The following ZCCHC17 variants were observed in gnomAD, a reference collection of about 807,000 sequenced individuals.
ZCCHC17 encodes zinc finger CCHC-type containing 17.
A neutral mutation model predicts 30.6 loss-of-function variants in ZCCHC17; 18 were observed. The ratio of observed to expected loss-of-function variants is 0.59; its 90% CI spans 0.41 to 0.87. The LOEUF is 0.87. ZCCHC17 is among the 40% of genes least tolerant of loss of function. ZCCHC17 has a pLI of 0.00. For missense variants in ZCCHC17, 263 were observed against 284.2 expected (o/e 0.93, Z 0.54); for synonymous variants, 88 against 92.4 (o/e 0.95, Z 0.27).
intron 3 of ZCCHC17, among the ~76,000 whole-genome samples, chr1:31,325,617 A>G (rs1303367454): frequency 6.6e-6 from 1 of 152,176 alleles, no homozygotes. Context: ...TCACTCATGC[A>G]TCCCTCGCCA....
chr1:31,314,121 T>C (rs962227630), intron 2 of ZCCHC17, among the ~76,000 whole-genome samples: 1 of 152,196 alleles, frequency 6.6e-6, no homozygotes, highest in Non-Finnish European at 1.5e-5. Context: ...CACCTCGGCC[T>C]CCCAAAGTGC....
At chr1:31,336,042 C>A (rs939771365) in intron 3 of ZCCHC17, among the ~76,000 whole-genome samples, 3 of 151,906 alleles carry the variant, frequency 2.0e-5, no homozygotes, top group Non-Finnish European at 4.4e-5. Context: ...AATAATACCG[C>A]AAGTTATTTA....
chr1:31,341,842 C>A (rs1264075896), intron 5 of ZCCHC17, among the ~76,000 whole-genome samples: 1 of 152,182 alleles, frequency 6.6e-6, no homozygotes, highest in African/African-American at 2.4e-5. Context: ...CTATGGTAGA[C>A]ATACATGTAG....
At chr1:31,351,957 C>A (rs1443601211) in intron 7 of ZCCHC17, among the ~76,000 whole-genome samples, 1 of 152,156 alleles carries the variant, frequency 6.6e-6, no homozygotes. Context: ...TTGACTTTTT[C>A]TCTGGAACTC....
chr1:31,317,030 T>TC (rs200763498), intron 2 of ZCCHC17, among the ~76,000 whole-genome samples: 7,478 of 149,676 alleles, frequency 0.05, 403 homozygotes, highest in South Asian at 0.21. Context: ...TTTTCTTTTT[T>TC]TTTTTTTTTT....
At chr1:31,350,270 G>T (rs1416197952) in intron 7 of ZCCHC17, among the ~76,000 whole-genome samples, 1 of 152,118 alleles carries the variant, frequency 6.6e-6, no homozygotes, top group Non-Finnish European at 1.5e-5. Flanking sequence ...TTTGTACCAG[G>T]CATTGTAACT....
chr1:31,344,778 A>G (rs1228780127), intron 5 of ZCCHC17, among the ~76,000 whole-genome samples: 1 of 152,202 alleles, frequency 6.6e-6, no homozygotes, highest in Admixed American at 6.5e-5. Context: ...ATCTCTACAA[A>G]TAGATAGGTG....
intron 6 of ZCCHC17, among the ~76,000 whole-genome samples, chr1:31,347,795 A>G (rs1639328832): frequency 6.6e-6 from 1 of 152,102 alleles, no homozygotes; most frequent in Non-Finnish European, 1.5e-5. Context: ...AATTTTTTGT[A>G]GAGACGGGGT....
chr1:31,318,095 T>A, intron 2 of ZCCHC17: 8 of 1,138,440 alleles, frequency 7.0e-6, no homozygotes, highest in Non-Finnish European at 9.8e-6. Flanking sequence ...ATTTTGCATA[T>A]AGTGAGTATT....
intron 3 of ZCCHC17, chr1:31,336,969 C>T (rs6676682): frequency 0.55 from 227,911 of 411,540 alleles, 66,772 homozygotes; most frequent in Non-Finnish European, 0.62. Context: ...CCACTGTGCC[C>T]GGCCACTTTG....
intron 1 of ZCCHC17, among the ~76,000 whole-genome samples, chr1:31,299,175 G>C (rs1312606643): frequency 6.6e-6 from 1 of 152,158 alleles, no homozygotes. Context: ...ATTGTAAAGA[G>C]GAGGAGAGGA....
chr1:31,330,818 G>T (rs969416165), intron 3 of ZCCHC17, among the ~76,000 whole-genome samples: 5 of 152,218 alleles, frequency 3.3e-5, no homozygotes, highest in Non-Finnish European at 5.9e-5. Flanking sequence ...AGCACAAAGG[G>T]AAGGGGCCTC....
chr1:31,363,969 G>A (rs1412889459), intron 7 of ZCCHC17, 63 bp from the exon 8 acceptor site: 17 of 1,579,506 alleles, frequency 1.1e-5, no homozygotes, highest in African/African-American at 1.4e-5. Context: ...GGCCAATTAT[G>A]TGCTATGATT....
chr1:31,306,328 C>T (rs1646454865), intron 1 of ZCCHC17, among the ~76,000 whole-genome samples: 1 of 152,100 alleles, frequency 6.6e-6, no homozygotes, highest in Admixed American at 6.6e-5. Flanking sequence ...ATTATTTGAA[C>T]ACAAGCAGAG....
chr1:31,312,451 G>T (rs1646628410), intron 2 of ZCCHC17, among the ~76,000 whole-genome samples: 1 of 152,022 alleles, frequency 6.6e-6, no homozygotes, highest in Non-Finnish European at 1.5e-5. Context: ...AGGCATATTT[G>T]TTTCAAGAGC....
In ZCCHC17 at chr1:31,327,933, C is replaced by A. The variant is rs186931447; in HGVS notation, c.124+8767C>A. Among the ~76,000 whole-genome samples the A allele has an allele frequency of 2.6e-5, 4 of 152,306 alleles. No individual in the cohort carries two copies. In the East Asian group the frequency reaches 7.7e-4, roughly 29 times the overall value. On this transcript the variant is annotated intron_variant, in intron 3 of 7. Transcript: ENST00000344147. ...GGATGATTAATATCCCAAACCTCAG[C>A]ATCATGCAGTGTACACAGATAACAA...
At chr1:31,300,967 T>G (rs1646297400) in intron 1 of ZCCHC17, among the ~76,000 whole-genome samples, 2 of 151,738 alleles carry the variant, frequency 1.3e-5, no homozygotes, top group African/African-American at 4.8e-5. Flanking sequence ...GGTGGTTTAG[T>G]GGCAAGTGTG....
intron 3 of ZCCHC17, among the ~76,000 whole-genome samples, chr1:31,322,225 C>T (rs1042524120): frequency 2.0e-5 from 3 of 152,184 alleles, no homozygotes; most frequent in Non-Finnish European, 4.4e-5. Context: ...TCAATTCTGA[C>T]ACTAACTACC....
intron 2 of ZCCHC17, among the ~76,000 whole-genome samples, chr1:31,312,811 G>A (rs1438996277): frequency 2.0e-5 from 3 of 152,000 alleles, no homozygotes; most frequent in Non-Finnish European, 2.9e-5. Flanking sequence ...CCAGGTTGGA[G>A]TGCAATGGTG....
Sources: gnomAD v4.1 joint callset for allele counts (sites outside exome capture counted in the v4.1 genomes callset) on GRCh38, gnomAD v4.1.1 for gene constraint, MANE v1.5 for transcripts, NCBI Gene and HGNC (gene_info 2026-07-23, HGNC 2026-07-21) for gene names.